Variants in UNC13C observed in about 807,000 individuals in gnomAD.
The protein encoded by UNC13C is protein unc-13 homolog C.
Under a neutral mutation model 245.4 loss-of-function variants are expected in UNC13C, and 174 were observed. The observed-to-expected ratio is 0.71, with a 90% CI of 0.63 to 0.80. The LOEUF is 0.80. UNC13C is among the 30% of genes least tolerant of loss of function. The pLI, the probability that UNC13C is intolerant of heterozygous loss-of-function variation, is 0.00. For missense variants in UNC13C, 2,829 were observed against 2,602.9 expected (o/e 1.09, Z -1.89); for synonymous variants, 992 against 895.1 (o/e 1.11, Z -1.93).
chr15:54,455,400 G>A (rs547024708), intron 19 of UNC13C, among the ~76,000 whole-genome samples: 1 of 150,698 alleles, frequency 6.6e-6, no homozygotes, highest in East Asian at 2.0e-4. Flanking sequence ...TGGATCAAAT[G>A]GTAGTTCTAC....
chr15:53,946,451 G>GTT, the UNC13C span, among the ~76,000 whole-genome samples: 20 of 110,446 alleles, frequency 1.8e-4, no homozygotes, highest in African/African-American at 8.3e-4. Flanking sequence ...TCTTTTTTTT[G>GTT]TTTTTTTTTT....
intron 17 of UNC13C, among the ~76,000 whole-genome samples, chr15:54,354,216 CTG>C (rs1310403370): frequency 1.3e-5 from 2 of 151,974 alleles, no homozygotes; most frequent in Non-Finnish European, 2.9e-5. Context: ...CATAGAATTG[CTG>C]TGAGGATTAA....
intron 2 of UNC13C, among the ~76,000 whole-genome samples, chr15:54,021,136 T>G (rs556182458): frequency 1.3e-5 from 2 of 152,320 alleles, no homozygotes; most frequent in East Asian, 3.9e-4. Context: ...TGTAGAAAGA[T>G]TCAAAGAAGC....
chr15:53,860,136 C>T, the UNC13C span, among the ~76,000 whole-genome samples: 4 of 152,194 alleles, frequency 2.6e-5, no homozygotes, highest in African/African-American at 9.6e-5. Flanking sequence ...TAAGAATGCA[C>T]GTTGTTCAAT....
At chr15:54,475,146 G>C (rs900624626) in intron 19 of UNC13C, among the ~76,000 whole-genome samples, 8 of 151,906 alleles carry the variant, frequency 5.3e-5, no homozygotes, top group Middle Eastern at 3.4e-3. Context: ...CTGTGCTTTT[G>C]AGGTCTTAGC....
chr15:54,105,203 G>A (rs1048352241), intron 2 of UNC13C, among the ~76,000 whole-genome samples: 16 of 152,156 alleles, frequency 1.1e-4, no homozygotes, highest in African/African-American at 3.6e-4. Flanking sequence ...GCTTCTCAGA[G>A]TTAATTTCTC....
chr15:54,451,490 A>T (rs1567284627), intron 19 of UNC13C, among the ~76,000 whole-genome samples: 1 of 151,902 alleles, frequency 6.6e-6, no homozygotes, highest in African/African-American at 2.4e-5. Flanking sequence ...GTCTGACTGG[A>T]TTATTTTAAA....
At chr15:54,392,954 T>A in intron 17 of UNC13C, 94 bp from the exon 18 acceptor site, 3 of 1,355,258 alleles carry the variant, frequency 2.2e-6, no homozygotes, top group Non-Finnish European at 2.9e-6. Flanking sequence ...ATTTCCACAA[T>A]CATTTTTCTT....
the UNC13C span, among the ~76,000 whole-genome samples, chr15:53,890,072 T>C: frequency 6.6e-6 from 1 of 152,128 alleles, no homozygotes; most frequent in Non-Finnish European, 1.5e-5. Flanking sequence ...CTTCATAAAA[T>C]GAGTTAGGGA....
intron 4 of UNC13C, among the ~76,000 whole-genome samples, chr15:54,207,333 A>G (rs1464009932): frequency 6.6e-6 from 1 of 151,944 alleles, no homozygotes; most frequent in Non-Finnish European, 1.5e-5. Flanking sequence ...TTTCAGAAAA[A>G]AGCTGGTTGT....
intron 30 of UNC13C, among the ~76,000 whole-genome samples, chr15:54,578,911 T>C (rs1199769866): frequency 6.6e-6 from 1 of 152,162 alleles, no homozygotes; most frequent in Non-Finnish European, 1.5e-5. Context: ...TGCCCGTTTG[T>C]GACAGTCATC....
chr15:54,151,913 A>C (rs867908540), intron 4 of UNC13C, among the ~76,000 whole-genome samples: 6 of 152,152 alleles, frequency 3.9e-5, no homozygotes, highest in Non-Finnish European at 8.8e-5. Flanking sequence ...GCCGATAAAA[A>C]CACACTCAAT....
intron 17 of UNC13C, among the ~76,000 whole-genome samples, chr15:54,367,876 C>G (rs2140877325): frequency 6.6e-6 from 1 of 152,236 alleles, no homozygotes. Flanking sequence ...AACTGGATTA[C>G]TGAAGTTTGT....
chr15:54,606,373 C>T lies in UNC13C; in HGVS notation c.6107-15954C>T, dbSNP rs147760610. Among the ~76,000 whole-genome samples the T allele has an allele frequency of 3.3e-3, 506 of 152,288 alleles. 2 individuals carry two copies. The highest frequency in any genetic ancestry group is 0.012 in the African/African-American group (480 of 41,566). On this transcript the variant is annotated intron_variant, in intron 30 of 32. Coordinates refer to ENST00000260323, the MANE Select transcript of UNC13C (RefSeq NM_001080534.3). ...TTTATTTTAAAACAAATTTAAGATG[C>T]ATGTGTTCCATATTTAATCAGTAGA... is the stretch of plus-strand genomic sequence containing the variant.
intron 1 of UNC13C, among the ~76,000 whole-genome samples, chr15:53,979,716 G>A (rs1893848740): frequency 6.6e-6 from 1 of 152,102 alleles, no homozygotes; most frequent in African/African-American, 2.4e-5. Context: ...GGCTTTTAAG[G>A]AAAAACAGGA....
chr15:54,087,791 C>T (rs1026551914), intron 2 of UNC13C, among the ~76,000 whole-genome samples: 1 of 152,152 alleles, frequency 6.6e-6, no homozygotes, highest in African/African-American at 2.4e-5. Context: ...TTATGTTCTT[C>T]AAGCTCATTT....
the UNC13C span, among the ~76,000 whole-genome samples, chr15:53,886,897 G>T: frequency 6.6e-6 from 1 of 152,080 alleles, no homozygotes; most frequent in Non-Finnish European, 1.5e-5. Flanking sequence ...TCGCAATAGG[G>T]CAGCATCCTA....
intron 1 of UNC13C, among the ~76,000 whole-genome samples, chr15:54,000,331 T>G (rs1894828276): frequency 6.6e-6 from 1 of 152,156 alleles, no homozygotes; most frequent in Non-Finnish European, 1.5e-5. Flanking sequence ...AACTTTGATC[T>G]ACTGAAGATA....
At chr15:54,450,887 C>G (rs1891136060) in intron 19 of UNC13C, among the ~76,000 whole-genome samples, 1 of 152,194 alleles carries the variant, frequency 6.6e-6, no homozygotes, top group African/African-American at 2.4e-5. Flanking sequence ...TAGACTGGAG[C>G]TGTTCCTATT....
Sources: allele counts gnomAD v4.1 joint callset (sites outside exome capture counted in the v4.1 genomes callset), GRCh38; gene constraint gnomAD v4.1.1; transcripts MANE v1.5; gene names NCBI Gene and HGNC (gene_info 2026-07-23, HGNC 2026-07-21).